The following ANGPT4 variants were observed in gnomAD, a reference collection of about 807,000 sequenced individuals.
ANGPT4 encodes the protein angiopoietin-4.
ANGPT4 carries 50 observed loss-of-function variants against 53.0 expected under a neutral mutation model. The ratio of observed to expected loss-of-function variants is 0.94; its 90% CI spans 0.75 to 1.20. The LOEUF is 1.20. Ranked by LOEUF, ANGPT4 falls within the 50% of genes most tolerant of loss-of-function variation. The pLI is 0.00. For missense variants in ANGPT4, 648 were observed against 637.1 expected, an observed-to-expected ratio of 1.02 and a Z score of -0.18; for synonymous variants, 251 against 259.7, an observed-to-expected ratio of 0.97 and a Z score of 0.32.
intron 8 of ANGPT4, among the ~76,000 whole-genome samples, chr20:873,597 C>G (rs528892428): frequency 6.6e-6 from 1 of 152,056 alleles, no homozygotes; most frequent in African/African-American, 2.4e-5. Context: ...CTTTGTCCCT[C>G]TCTGCCTTTC....
rs1251171131 is a variant in ANGPT4, at chr20:915,927, G to T, written c.288C>A (p.Asn96Lys). 4 of 1,592,646 alleles carry T rather than the reference G, an allele frequency of 2.5e-6. No individual in the cohort carries two copies. The highest frequency in any genetic ancestry group is 3.4e-5 in the Admixed American group (2 of 59,136). The part of the protein sequence containing the change: ...QVKQLEQALQ[N>K]NTQWLKKLER... ...GTACCTTCTTCAGCCACTGCGTGTT[G>T]TTCTGCAGTGCCTGCTCCAGCTGTT... Residue 96 changes from asparagine (N) to lysine (K), a missense_variant, in exon 1 of 9, where the codon AAC becomes AAA. Physicochemically the swap from Asn to Lys is moderately conservative, Grantham distance 94. Transcript: ENST00000381922.
At chr20:882,926 A>G (rs1981467668) in intron 4 of ANGPT4, among the ~76,000 whole-genome samples, 1 of 152,236 alleles carries the variant, frequency 6.6e-6, no homozygotes, top group South Asian at 2.1e-4. Context: ...GAGGCATAAG[A>G]ATAGGATGGA....
chr20:900,243 G>A (rs2122841346), intron 1 of ANGPT4, among the ~76,000 whole-genome samples: 1 of 152,202 alleles, frequency 6.6e-6, no homozygotes, highest in East Asian at 1.9e-4. Context: ...ACCCAGCCCT[G>A]TAAATAACAG....
At chr20:912,784 C>CATAT (rs1982756755) in intron 1 of ANGPT4, among the ~76,000 whole-genome samples, 2 of 150,976 alleles carry the variant, frequency 1.3e-5, no homozygotes, top group African/African-American at 4.9e-5. Flanking sequence ...GGAAAGAGTG[C>CATAT]GTATCTGGGG....
chr20:879,913 A>T (rs1275171997), intron 5 of ANGPT4, 65 bp from the exon 6 acceptor site: 1 of 1,263,618 alleles, frequency 7.9e-7, no homozygotes, highest in African/African-American at 1.5e-5. Flanking sequence ...GGCCTGTGCT[A>T]GCCCAAATGT....
intron 1 of ANGPT4, among the ~76,000 whole-genome samples, chr20:906,485 T>C (rs1006301534): frequency 6.6e-6 from 1 of 152,270 alleles, no homozygotes; most frequent in African/African-American, 2.4e-5. Context: ...GAAATGTTTG[T>C]TGTTATTTTA....
intron 1 of ANGPT4, among the ~76,000 whole-genome samples, chr20:915,655 G>A (rs1044144031): frequency 4.6e-5 from 7 of 152,130 alleles, no homozygotes; most frequent in South Asian, 2.1e-4. Context: ...GGCTTGGTCC[G>A]TTCAGCCCTT....
chr20:887,904 A>G (rs1014031595), intron 3 of ANGPT4, among the ~76,000 whole-genome samples: 1 of 151,788 alleles, frequency 6.6e-6, no homozygotes, highest in African/African-American at 2.4e-5. Context: ...GAAGGAAGGA[A>G]GGAAGGAAAG....
At chr20:873,210 A>C in intron 8 of ANGPT4, 90 bp from the exon 9 acceptor site, 1 of 1,318,808 alleles carries the variant, frequency 7.6e-7, no homozygotes, top group Non-Finnish European at 1.0e-6. Flanking sequence ...GAGAACAAAG[A>C]CTAATCGGGG....
intron 1 of ANGPT4, among the ~76,000 whole-genome samples, chr20:907,453 A>G (rs1235563495): frequency 6.6e-6 from 1 of 152,088 alleles, no homozygotes; most frequent in Admixed American, 6.6e-5. Context: ...CTATATTTCA[A>G]CCTTGATCTT....
rs963881431 is a variant in ANGPT4 at position 908,661 on chromosome 20, C to T, written c.309+7245G>A. ...TCCTTGTCACTTGCATGGCGCCTGGCGCATTGTAAGCCCTCAATAAACAGT... is the reference window on the plus strand; with the variant it reads ...TCCTTGTCACTTGCATGGCGCCTGGTGCATTGTAAGCCCTCAATAAACAGT... On this transcript the variant is annotated intron_variant, in intron 1 of 8. Coordinates refer to ENST00000381922, the MANE Select transcript of ANGPT4 (RefSeq NM_015985.4). The surrounding 1 kb of genome is among the most constrained non-coding windows in gnomAD (Gnocchi z 4.9). 3.3e-5 allele frequency among the ~76,000 whole-genome samples: 5 copies of T among 152,140 alleles called. No individual in the cohort carries two copies. The highest frequency in any genetic ancestry group is 5.9e-5 in the Non-Finnish European group (4 of 68,030).
chr20:909,088 A>T (rs944323519), intron 1 of ANGPT4, among the ~76,000 whole-genome samples: 2 of 151,588 alleles, frequency 1.3e-5, no homozygotes, highest in African/African-American at 4.9e-5. Context: ...CCGGGTACGA[A>T]CTCACCTCCC....
rs150174277 is a variant in ANGPT4, at chr20:885,318, C to G, written c.595G>C (p.Glu199Gln). 1.7e-5 allele frequency: 27 copies of G among 1,581,118 alleles called. No homozygotes were observed. Among genetic ancestry groups the G allele is most frequent in the Non-Finnish European group, 2.6e-6 (3 of 1,168,692 alleles). The change falls in exon 4 of 9, where the codon GAG (glutamate) becomes CAG (glutamine). Residue 199 changes from glutamate (E) to glutamine (Q), a missense_variant. Transcript: ENST00000381922. ...QQLQGQNSALEKRLQALETKQ... is the reference protein window; with the variant it reads ...QQLQGQNSALQKRLQALETKQ... ...GTCTCCAGGGCCTGCAACCGCTTCT[C>G]GAGCGCGCTGCGGGGTAGGGGGCGC...
chr20:907,423 G>A (rs1200491315), intron 1 of ANGPT4, among the ~76,000 whole-genome samples: 1 of 152,166 alleles, frequency 6.6e-6, no homozygotes, highest in Non-Finnish European at 1.5e-5. Flanking sequence ...CTCAGGCTCA[G>A]GTATGCCTTT....
intron 7 of ANGPT4, 117 bp from the exon 8 acceptor site, chr20:874,531 T>A: frequency 2.1e-6 from 3 of 1,399,338 alleles, no homozygotes; most frequent in Admixed American, 2.1e-5. Context: ...CCAGGTGTTC[T>A]TGGAGGGACA....
chr20:913,498 C>T (rs1183465954), intron 1 of ANGPT4, among the ~76,000 whole-genome samples: 16 of 152,216 alleles, frequency 1.1e-4, no homozygotes, highest in Admixed American at 1.0e-3. Context: ...ACCTGACTGA[C>T]CCTAGCTCAG....
intron 1 of ANGPT4, among the ~76,000 whole-genome samples, chr20:907,194 G>A (rs1312498795): frequency 6.6e-6 from 1 of 152,188 alleles, no homozygotes; most frequent in African/African-American, 2.4e-5. Flanking sequence ...GCCTAGCACA[G>A]TGCCTGGCAC....
chr20:914,213 C>A lies in ANGPT4; in HGVS notation c.309+1693G>T, dbSNP rs1489549601. 2.0e-5 allele frequency among the ~76,000 whole-genome samples: 3 copies of A among 151,964 alleles called. No homozygotes were observed. The highest frequency in any genetic ancestry group is 2.9e-5 in the Non-Finnish European group (2 of 67,994). On this transcript the variant is annotated intron_variant, in intron 1 of 8. Coordinates refer to ENST00000381922, the MANE Select transcript of ANGPT4 (RefSeq NM_015985.4). This position sits in a 1 kb window ranked among gnomAD's most constrained non-coding sequence, Gnocchi z 5.0. ...ATGGCGCCTGCCCTCTGGGAGCTCA[C>A]ACACCAAAAGAAATGTTTTTAAGAA...
intron 1 of ANGPT4, among the ~76,000 whole-genome samples, chr20:910,787 G>A (rs141585499): frequency 1.6e-3 from 237 of 152,230 alleles, no homozygotes; most frequent in African/African-American, 5.1e-3. Context: ...GGGGGAAGTC[G>A]TCAGGGGGTC....
Sources: allele counts gnomAD v4.1 joint callset (sites outside exome capture counted in the v4.1 genomes callset), GRCh38; gene constraint gnomAD v4.1.1; non-coding constraint Gnocchi (gnomAD v3.1); transcripts MANE v1.5; gene names NCBI Gene and HGNC (gene_info 2026-07-23, HGNC 2026-07-21).